KAZN: variants seen among roughly 807,000 people sequenced by gnomAD.
KAZN encodes kazrin, periplakin interacting protein, also known as kazrin.
In KAZN, 40 loss-of-function variants were observed where a neutral mutation model predicts 87.4. That is an observed-to-expected ratio of 0.46 (90% confidence interval 0.36 to 0.60). KAZN has a LOEUF of 0.60. Ranked by LOEUF, KAZN falls within the 20% of genes least tolerant of loss-of-function variation. The pLI is 0.00. For synonymous variants in KAZN, 466 were observed against 458.3 expected, an observed-to-expected ratio of 1.02 and a Z score of -0.22; for missense variants, 898 against 1,073.9, an observed-to-expected ratio of 0.84 and a Z score of 2.29.
chr1:15,098,813 C>T (rs1640913020), intron 10 of KAZN, among the ~76,000 whole-genome samples: 2 of 152,250 alleles, frequency 1.3e-5, no homozygotes. Context: ...GCTCACCCAG[C>T]ACTGCTCTGT....
intron 1 of KAZN, among the ~76,000 whole-genome samples, chr1:14,723,478 C>T (rs1269136296): frequency 6.6e-6 from 1 of 152,198 alleles, no homozygotes; most frequent in East Asian, 1.9e-4. Context: ...CTCATCGAGA[C>T]TCATGAGTTT....
chr1:14,038,297 G>A lies in KAZN; in HGVS notation c.92-142138G>A, dbSNP rs375074941. Reference sequence around the variant, plus strand: ...TTGTGATTTTAAGTAGGGTGGTGAGGTCAGACATCATTGAGAAGTTAACCC... The same window carrying A: ...TTGTGATTTTAAGTAGGGTGGTGAGATCAGACATCATTGAGAAGTTAACCC... On this transcript the variant is annotated intron_variant, in intron 1 of 16. Coordinates refer to the KAZN transcript ENST00000636203. 4.6e-5 allele frequency among the ~76,000 whole-genome samples: 7 copies of A among 152,316 alleles called. No individual in the cohort carries two copies. The South Asian group carries it at 1.4e-3, about 32-fold the overall frequency.
chr1:14,062,204 C>T (rs748464762), intron 1 of KAZN, among the ~76,000 whole-genome samples: 18 of 152,028 alleles, frequency 1.2e-4, no homozygotes, highest in Non-Finnish European at 2.2e-4. Context: ...AAACCCAGAG[C>T]GATTCAGGTT....
chr1:14,101,803 C>T (rs1644253331), intron 1 of KAZN, among the ~76,000 whole-genome samples: 1 of 152,200 alleles, frequency 6.6e-6, no homozygotes, highest in South Asian at 2.1e-4. Context: ...ACAGGATAAA[C>T]ATCTTCCTTA....
At chr1:14,240,864 G>A (rs1051209009) in intron 2 of KAZN, among the ~76,000 whole-genome samples, 4 of 152,224 alleles carry the variant, frequency 2.6e-5, no homozygotes, top group Non-Finnish European at 4.4e-5. Context: ...AGGGGCATGG[G>A]AGGGAGTTAG....
intron 2 of KAZN, among the ~76,000 whole-genome samples, chr1:14,985,701 G>A (rs1365889128): frequency 6.6e-6 from 1 of 152,092 alleles, no homozygotes; most frequent in African/African-American, 2.4e-5. Flanking sequence ...AAACTTCCAT[G>A]TCATGAAAGA....
At chr1:14,039,915 A>G (rs1272150426) in intron 1 of KAZN, among the ~76,000 whole-genome samples, 1 of 152,222 alleles carries the variant, frequency 6.6e-6, no homozygotes, top group Non-Finnish European at 1.5e-5. Context: ...CTTTTTTAAC[A>G]TCAAATTGCT....
chr1:14,686,356 C>A (rs1471310773), intron 1 of KAZN, among the ~76,000 whole-genome samples: 1 of 152,164 alleles, frequency 6.6e-6, no homozygotes, highest in Non-Finnish European at 1.5e-5. Context: ...AGCCACCACG[C>A]CCAGCCCAGT....
intron 1 of KAZN, among the ~76,000 whole-genome samples, chr1:13,983,371 G>A (rs748506531): frequency 7.2e-5 from 11 of 152,202 alleles, no homozygotes; most frequent in Non-Finnish European, 1.5e-4. Flanking sequence ...GCACTGCTGG[G>A]GGACCCAGTA....
At position 14,949,995 on chromosome 1, in the gene KAZN, C is replaced by T. The variant is rs190925955; in HGVS notation, c.227-10689C>T. On this transcript the variant is annotated intron_variant, in intron 1 of 14. Coordinates refer to ENST00000376030, the MANE Select transcript of KAZN (RefSeq NM_201628.3). The surrounding 1 kb of genome is among the most constrained non-coding windows in gnomAD (Gnocchi z 4.3). ...ACCGGAAGAGCCTCTGCACGGAAGA[C>T]GGTTTCAACACCACCTAACGGAAAA... Among the ~76,000 whole-genome samples the T allele has an allele frequency of 2.2e-3, 331 of 152,096 alleles. 1 individual carries two copies. The highest frequency in any genetic ancestry group is 0.014 in the South Asian group (66 of 4,818).
intron 2 of KAZN, among the ~76,000 whole-genome samples, chr1:14,368,516 T>C (rs2101006323): frequency 1.3e-5 from 2 of 152,322 alleles, no homozygotes; most frequent in South Asian, 4.1e-4. Flanking sequence ...AATTTACACA[T>C]AACTGAAGCC....
At chr1:14,585,957 G>A (rs908565870) in intron 2 of KAZN, among the ~76,000 whole-genome samples, 7 of 152,160 alleles carry the variant, frequency 4.6e-5, no homozygotes, top group South Asian at 2.1e-4. Flanking sequence ...CAGCAGCTCC[G>A]TGTGCAAAGA....
intron 2 of KAZN, among the ~76,000 whole-genome samples, chr1:14,420,180 G>T (rs547566645): frequency 6.6e-6 from 1 of 152,274 alleles, no homozygotes; most frequent in South Asian, 2.1e-4. Context: ...GACACAGAGC[G>T]CTGATTGGTG....
chr1:14,750,153 G>A (rs1305385664), intron 1 of KAZN, among the ~76,000 whole-genome samples: 1 of 151,952 alleles, frequency 6.6e-6, no homozygotes, highest in Non-Finnish European at 1.5e-5. Context: ...TACCTCTCTG[G>A]GCTATTTTGG....
rs914317472 is a variant in KAZN, at chr1:15,077,064, C to T, written c.1222+11311C>T. ...CTCTGCTCACTCCAGCGAGGCTGCTCGGAGCAATGCCAGCCTGGTGTTTCC... is the reference window on the plus strand; with the variant it reads ...CTCTGCTCACTCCAGCGAGGCTGCTTGGAGCAATGCCAGCCTGGTGTTTCC... On this transcript the variant is annotated intron_variant, in intron 8 of 14. Transcript: ENST00000376030. The surrounding 1 kb of genome is among the most constrained non-coding windows in gnomAD (Gnocchi z 4.8). Among the ~76,000 whole-genome samples, 1 of 152,216 alleles carries T rather than the reference C, an allele frequency of 6.6e-6. No homozygotes were observed. The highest frequency in any genetic ancestry group is 2.4e-5 in the African/African-American group (1 of 41,460).
chr1:15,074,526 A>G (rs1423816923), intron 8 of KAZN, among the ~76,000 whole-genome samples: 1 of 152,020 alleles, frequency 6.6e-6, no homozygotes, highest in Non-Finnish European at 1.5e-5. Flanking sequence ...ACCCTCCTTA[A>G]CCCTGGTAGA....
chr1:14,310,605 A>C (rs1251709499), intron 2 of KAZN, among the ~76,000 whole-genome samples: 2 of 152,168 alleles, frequency 1.3e-5, no homozygotes, highest in Non-Finnish European at 2.9e-5. Flanking sequence ...GCAATTTCAC[A>C]CATTCAAATT....
At chr1:15,089,444 C>T (rs938984828) in intron 8 of KAZN, among the ~76,000 whole-genome samples, 6 of 152,100 alleles carry the variant, frequency 3.9e-5, no homozygotes, top group African/African-American at 1.4e-4. Flanking sequence ...CCTCTGAAGG[C>T]ACCAAAGCTG....
At chr1:14,693,449 G>A (rs184134312) in intron 1 of KAZN, among the ~76,000 whole-genome samples, 3 of 152,250 alleles carry the variant, frequency 2.0e-5, no homozygotes, top group Non-Finnish European at 2.9e-5. Flanking sequence ...GCTGAGAGAG[G>A]GAAATTCTTA....
Sources: allele counts gnomAD v4.1 joint callset (sites outside exome capture counted in the v4.1 genomes callset), GRCh38; gene constraint gnomAD v4.1.1; non-coding constraint Gnocchi (gnomAD v3.1); transcripts MANE v1.5; gene names NCBI Gene and HGNC (gene_info 2026-07-23, HGNC 2026-07-21).